TMTC1: variants seen among roughly 807,000 people sequenced by gnomAD.
TMTC1 encodes the protein protein O-mannosyl-transferase TMTC1.
A neutral mutation model predicts 104.8 loss-of-function variants in TMTC1; 73 were observed. The observed-to-expected ratio is 0.70, with a 90% CI of 0.58 to 0.85. TMTC1 has a LOEUF of 0.85. Among genes scored for constraint, TMTC1 ranks in the 40% least tolerant of loss-of-function variants. The pLI is 0.00. For missense variants in TMTC1, 1,035 were observed against 1,096.1 expected (o/e 0.94, Z 0.79); for synonymous variants, 434 against 428.7 (o/e 1.01, Z -0.15).
chr12:29,762,853 T>C (rs1390138415), intron 2 of TMTC1, among the ~76,000 whole-genome samples: 1 of 152,260 alleles, frequency 6.6e-6, no homozygotes, highest in South Asian at 2.1e-4. Context: ...CCGAAGTGTA[T>C]ACAGGTCACC....
chr12:29,659,174 T>C (rs186493392), intron 5 of TMTC1, among the ~76,000 whole-genome samples: 1 of 152,366 alleles, frequency 6.6e-6, no homozygotes, highest in East Asian at 1.9e-4. Flanking sequence ...CTGCACACTG[T>C]TCTGTAACAT....
chr12:29,517,724 CT>C (rs903782551), intron 13 of TMTC1, among the ~76,000 whole-genome samples, 153 bp from the exon 14 acceptor site: 1 of 151,082 alleles, frequency 6.6e-6, no homozygotes, highest in African/African-American at 2.4e-5. Flanking sequence ...TTGGCTTTTT[CT>C]TTTTTTTTGA....
chr12:29,714,815 C>T (rs1468579826), intron 5 of TMTC1, among the ~76,000 whole-genome samples: 1 of 152,090 alleles, frequency 6.6e-6, no homozygotes, highest in Non-Finnish European at 1.5e-5. Context: ...AAGGATGGCC[C>T]CAGTGGTCAT....
chr12:29,703,127 G>C (rs1941645783), intron 5 of TMTC1, among the ~76,000 whole-genome samples: 1 of 148,592 alleles, frequency 6.7e-6, no homozygotes, highest in African/African-American at 2.5e-5. Context: ...CTGGGTGACA[G>C]AGCGAGACTC....
chr12:29,513,611 A>G (rs1338883332), intron 16 of TMTC1, among the ~76,000 whole-genome samples: 1 of 152,192 alleles, frequency 6.6e-6, no homozygotes, highest in Non-Finnish European at 1.5e-5. Context: ...TTTTCCTATA[A>G]TATATTTAGT....
rs569426062 is a variant in TMTC1, at chr12:29,732,552, T to C, written c.938+19114A>G. Among the ~76,000 whole-genome samples the C allele has an allele frequency of 1.2e-3, 186 of 152,326 alleles. 1 individual carries two copies. The highest frequency in any genetic ancestry group is 4.2e-3 in the African/African-American group (174 of 41,580). On this transcript the variant is annotated intron_variant, in intron 5 of 17. Coordinates refer to ENST00000539277, the MANE Select transcript of TMTC1 (RefSeq NM_001193451.2). Reference sequence around the variant, plus strand: ...CCATTGTAGACCTGGTCCCGCTATGTACTAGCCTGGATTTCCATATCCACA... The same window carrying C: ...CCATTGTAGACCTGGTCCCGCTATGCACTAGCCTGGATTTCCATATCCACA...
At chr12:29,761,111 A>G (rs1943339176) in intron 2 of TMTC1, among the ~76,000 whole-genome samples, 1 of 148,352 alleles carries the variant, frequency 6.7e-6, no homozygotes, top group Non-Finnish European at 1.5e-5. Flanking sequence ...ATATTGCAAT[A>G]TAACATGTTT....
At chr12:29,681,372 A>G (rs1288875347) in intron 5 of TMTC1, among the ~76,000 whole-genome samples, 1 of 152,180 alleles carries the variant, frequency 6.6e-6, no homozygotes, top group African/African-American at 2.4e-5. Context: ...AAATTAAGAG[A>G]GAATACTAGA....
intron 5 of TMTC1, among the ~76,000 whole-genome samples, chr12:29,740,257 C>A (rs1367980263): frequency 1.3e-5 from 2 of 152,116 alleles, no homozygotes; most frequent in Non-Finnish European, 2.9e-5. Context: ...TTGAAAGATA[C>A]AAAGTATTAA....
At chr12:29,768,164 A>T in intron 1 of TMTC1, 89 bp from the exon 2 acceptor site, 1 of 974,358 alleles carries the variant, frequency 1.0e-6, no homozygotes, top group Non-Finnish European at 1.5e-6. Flanking sequence ...ATCATTTAAA[A>T]AGATAAGCTA....
chr12:29,713,505 T>A (rs1055941825), intron 5 of TMTC1, among the ~76,000 whole-genome samples: 2 of 152,122 alleles, frequency 1.3e-5, no homozygotes, highest in Non-Finnish European at 2.9e-5. Context: ...ATGAGGTCAC[T>A]GAGTTACATA....
At chr12:29,635,257 A>G (rs987424176) in intron 5 of TMTC1, among the ~76,000 whole-genome samples, 1 of 151,398 alleles carries the variant, frequency 6.6e-6, no homozygotes, top group African/African-American at 2.4e-5. Flanking sequence ...TGAGAATGCC[A>G]TCTCCACAGG....
chr12:29,556,835 C>A, intron 10 of TMTC1, 22 bp downstream of exon 10: 1 of 1,612,688 alleles, frequency 6.2e-7, no homozygotes, highest in Non-Finnish European at 8.5e-7. Context: ...GCCACCTGAT[C>A]GATGGTAAAC....
At chr12:29,599,988 A>G (rs188748927) in intron 7 of TMTC1, among the ~76,000 whole-genome samples, 2,236 of 111,404 alleles carry the variant, frequency 0.02, 111 homozygotes, top group African/African-American at 0.092. Context: ...GTGTGTGTGT[A>G]TATACATATA....
intron 9 of TMTC1, among the ~76,000 whole-genome samples, chr12:29,569,628 T>C (rs1228179149): frequency 6.6e-6 from 1 of 152,218 alleles, no homozygotes; most frequent in South Asian, 2.1e-4. Context: ...AAATGATGAA[T>C]AGCTCTGGTA....
chr12:29,737,300 C>G lies in TMTC1; in HGVS notation c.938+14366G>C, dbSNP rs1412319484. 2.6e-5 allele frequency among the ~76,000 whole-genome samples: 4 copies of G among 152,162 alleles called. No individual in the cohort carries two copies. The East Asian group carries it at 7.7e-4, about 29-fold the overall frequency. Reference sequence around the variant, plus strand: ...TTGGGAAGCTGAGGCGGGCGGATCACTTGAGGTCCGGAATTCAAGACCAGC... The same window carrying G: ...TTGGGAAGCTGAGGCGGGCGGATCAGTTGAGGTCCGGAATTCAAGACCAGC... On this transcript the variant is annotated intron_variant, in intron 5 of 17. Transcript: ENST00000539277.
In TMTC1 at chr12:29,783,110, C is replaced by CACTT; in HGVS notation, c.302+336_302+339dup. 3.6e-6 allele frequency: 1 copy of CACTT among 274,446 alleles called. No homozygotes were observed. Among genetic ancestry groups the CACTT allele is most frequent in the East Asian group, 6.3e-5 (1 of 15,836 alleles). 17.0% of individuals were successfully genotyped at this position (274,446 alleles called of 1,614,324 possible). ...GAACCCTCTGGGTCCGCGCTAGTCC[C>CACTT]ACTTGGTCACGATCCGGCAGGCGAA... On this transcript the variant is annotated intron_variant, in intron 1 of 17. Coordinates refer to ENST00000539277, the MANE Select transcript of TMTC1 (RefSeq NM_001193451.2). The surrounding 1 kb of genome is among the most constrained non-coding windows in gnomAD (Gnocchi z 4.7).
intron 5 of TMTC1, among the ~76,000 whole-genome samples, chr12:29,740,561 G>A (rs1942798965): frequency 6.6e-6 from 1 of 152,138 alleles, no homozygotes; most frequent in Non-Finnish European, 1.5e-5. Flanking sequence ...GGGACCTTGT[G>A]ATCATGTAAG....
chr12:29,624,917 A>T (rs1937897286), intron 6 of TMTC1, among the ~76,000 whole-genome samples: 1 of 152,192 alleles, frequency 6.6e-6, no homozygotes, highest in African/African-American at 2.4e-5. Flanking sequence ...GTTTTCTATG[A>T]TTGAGAATCA....
Sources: gnomAD v4.1 joint callset for allele counts (sites outside exome capture counted in the v4.1 genomes callset) on GRCh38, gnomAD v4.1.1 for gene constraint, Gnocchi (gnomAD v3.1) non-coding constraint, MANE v1.5 for transcripts, NCBI Gene and HGNC (gene_info 2026-07-23, HGNC 2026-07-21) for gene names.